Variants in SLC4A10 observed in about 807,000 individuals in gnomAD.
The protein encoded by SLC4A10 is solute carrier family 4 member 10, also known as sodium-driven chloride bicarbonate exchanger.
SLC4A10 carries 42 observed loss-of-function variants against 137.7 expected under a neutral mutation model. The ratio of observed to expected loss-of-function variants is 0.30; its 90% CI spans 0.24 to 0.39. SLC4A10 has a LOEUF of 0.39. SLC4A10 is among the 10% of genes least tolerant of loss of function. SLC4A10 has a pLI of 1.00. For synonymous variants in SLC4A10, 474 were observed against 464.1 expected, an observed-to-expected ratio of 1.02 and a Z score of -0.27; for missense variants, 925 against 1,355.0, an observed-to-expected ratio of 0.68 and a Z score of 4.98.
chr2:161,977,724 C>T lies in SLC4A10; in HGVS notation c.3347C>T (p.Ser1116Phe), dbSNP rs1308079048. The T allele has an allele frequency of 6.2e-7, 1 of 1,600,276 alleles. No homozygotes were observed. The highest frequency in any genetic ancestry group is 1.1e-5 in the South Asian group (1 of 87,562). Residue 1116 changes from serine to phenylalanine, a missense_variant and splice_region_variant, in exon 26 of 27, where the codon TCC (serine) becomes TTC (phenylalanine). By Grantham distance (155) the Ser-to-Phe change is radical (BLOSUM62 -2). Transcript: ENST00000446997. Reference sequence around the variant, plus strand: ...TTATATTACATTTTTGTCATAAGCTCCCCTTCCTAATCACTCTAGAAGCTG... The same window carrying T: ...TTATATTACATTTTTGTCATAAGCTTCCCTTCCTAATCACTCTAGAAGCTG... ...DKESSFPSKSSPS is the reference protein window; with the variant it reads ...DKESSFPSKSFPS
intron 3 of SLC4A10, among the ~76,000 whole-genome samples, chr2:161,826,988 T>G (rs2058058078): frequency 6.6e-6 from 1 of 152,198 alleles, no homozygotes; most frequent in South Asian, 2.1e-4. Flanking sequence ...GAGATGTATG[T>G]TCCATGAAGG....
chr2:161,687,219 T>G (rs1380591335), intron 1 of SLC4A10, among the ~76,000 whole-genome samples: 4 of 152,150 alleles, frequency 2.6e-5, no homozygotes, highest in Admixed American at 6.6e-5. Context: ...CATGATGAAT[T>G]GCTAAGTGGA....
intron 1 of SLC4A10, among the ~76,000 whole-genome samples, chr2:161,649,943 T>C (rs2036558948): frequency 6.6e-6 from 1 of 152,188 alleles, no homozygotes; most frequent in South Asian, 2.1e-4. Flanking sequence ...ATATATTCTT[T>C]ACTCAATTTC....
chr2:161,681,703 C>A (rs1247288085), intron 1 of SLC4A10, among the ~76,000 whole-genome samples: 1 of 152,086 alleles, frequency 6.6e-6, no homozygotes, highest in East Asian at 1.9e-4. Context: ...TTTAAATACT[C>A]TCTTTATTAA....
At chr2:161,946,102 A>G (rs1264976424) in intron 16 of SLC4A10, among the ~76,000 whole-genome samples, 1 of 151,964 alleles carries the variant, frequency 6.6e-6, no homozygotes, top group Non-Finnish European at 1.5e-5. Context: ...AAAGAAGGAA[A>G]ATTAAAACTT....
chr2:161,843,926 T>C lies in SLC4A10; in HGVS notation c.416+3999T>C, dbSNP rs111509706. On this transcript the variant is annotated intron_variant, in intron 4 of 26. Transcript: ENST00000446997. ...AGTTTTAGGTTTTGAAGCTAAATTT[T>C]TGAATCATAATTATTTAATAAATGT... Among the ~76,000 whole-genome samples the C allele has an allele frequency of 1.3e-3, 194 of 152,282 alleles. 2 individuals carry two copies. The highest frequency in any genetic ancestry group is 3.4e-3 in the Middle Eastern group (1 of 294).
intron 4 of SLC4A10, among the ~76,000 whole-genome samples, chr2:161,847,212 C>T (rs138570604): frequency 8.2e-4 from 125 of 151,994 alleles, no homozygotes; most frequent in African/African-American, 2.9e-3. Flanking sequence ...CACAGCACTC[C>T]AGTCTGGATG....
chr2:161,770,650 T>G (rs1314791550), intron 1 of SLC4A10, among the ~76,000 whole-genome samples: 1 of 151,924 alleles, frequency 6.6e-6, no homozygotes, highest in Non-Finnish European at 1.5e-5. Flanking sequence ...GAATTCTTTA[T>G]CAAGGATAAA....
rs757317128 is a variant in SLC4A10 at position 161,900,989 on chromosome 2, C to T, written c.1420C>T (p.Pro474Ser). 6.4e-7 allele frequency: 1 copy of T among 1,566,922 alleles called. No homozygotes were observed. The highest frequency in any genetic ancestry group is 1.9e-5 in the Admixed American group (1 of 53,404). ...EAEPHGGHSG[P>S]ELQRTGRIFG... ...AGAGCCCCACGGAGGACATAGTGGA[C>T]CTGAACTCCAGCGAACTGGAAGGTT... Residue 474 changes from proline (P) to serine (S), a missense_variant, in exon 12 of 27, where the codon CCT becomes TCT. Pro to Ser is a moderately conservative substitution (Grantham distance 74, BLOSUM62 -1). This residue lies in a region of SLC4A10 where 61 missense variants were observed against 59.0 expected (regional missense o/e 1.03). Transcript: ENST00000446997.
chr2:161,660,580 C>CTTTCT (rs1553479791), intron 1 of SLC4A10, among the ~76,000 whole-genome samples: 1 of 129,628 alleles, frequency 7.7e-6, no homozygotes, highest in Non-Finnish European at 1.8e-5. Context: ...TTCTTTCTTT[C>CTTTCT]TTTCTTTCTT....
chr2:161,811,956 C>A (rs3849343), intron 3 of SLC4A10, among the ~76,000 whole-genome samples: 8,736 of 152,048 alleles, frequency 0.057, 352 homozygotes, highest in Non-Finnish European at 0.08. Context: ...TCCTGCAAAC[C>A]CACCTTTAGT....
chr2:161,961,046 A>C (rs1206488998), intron 21 of SLC4A10, among the ~76,000 whole-genome samples: 4 of 152,232 alleles, frequency 2.6e-5, no homozygotes, highest in Non-Finnish European at 5.9e-5. Flanking sequence ...AATGTTCTTG[A>C]AAAAGAGACT....
At chr2:161,882,229 A>G in intron 9 of SLC4A10, 128 bp from the exon 10 acceptor site, 1 of 577,798 alleles carries the variant, frequency 1.7e-6, no homozygotes, top group South Asian at 3.2e-5. Context: ...ATGAACTATG[A>G]AAAACTATGG....
chr2:161,724,179 C>T (rs893643289), intron 1 of SLC4A10, among the ~76,000 whole-genome samples: 6 of 152,106 alleles, frequency 3.9e-5, no homozygotes, highest in Non-Finnish European at 7.4e-5. Flanking sequence ...TCTTTTTCTT[C>T]CCCTCACCTC....
intron 1 of SLC4A10, among the ~76,000 whole-genome samples, chr2:161,744,971 C>T (rs2048259754): frequency 6.6e-6 from 1 of 152,100 alleles, no homozygotes; most frequent in Admixed American, 6.6e-5. Context: ...TCATTAACAT[C>T]TTTTTCTTTC....
intron 4 of SLC4A10, among the ~76,000 whole-genome samples, chr2:161,850,970 C>A (rs1575278947): frequency 6.6e-6 from 1 of 151,814 alleles, no homozygotes; most frequent in Admixed American, 6.6e-5. Context: ...CATTGTTTAC[C>A]CAAATCATTC....
intron 3 of SLC4A10, among the ~76,000 whole-genome samples, chr2:161,822,693 G>A (rs2057722481): frequency 6.6e-6 from 1 of 152,060 alleles, no homozygotes; most frequent in South Asian, 2.1e-4. Context: ...AAAATGTATG[G>A]GCCAGGCGCA....
intron 3 of SLC4A10, among the ~76,000 whole-genome samples, chr2:161,834,467 A>ACC (rs2125757938): frequency 6.6e-6 from 1 of 152,296 alleles, no homozygotes; most frequent in Admixed American, 6.5e-5. Context: ...ATCTTTCAGA[A>ACC]CTTCCCCTGG....
At chr2:161,872,503 G>A in intron 7 of SLC4A10, 119 bp downstream of exon 7, 4 of 548,610 alleles carry the variant, frequency 7.3e-6, no homozygotes, top group South Asian at 2.9e-5. Context: ...GTCAAAGCTT[G>A]ATATTGTTAC....
Sources: gnomAD v4.1 joint callset for allele counts (sites outside exome capture counted in the v4.1 genomes callset) on GRCh38, gnomAD v4.1.1 for gene constraint, gnomAD v4.1.1 regional missense constraint, MANE v1.5 for transcripts, NCBI Gene and HGNC (gene_info 2026-07-23, HGNC 2026-07-21) for gene names.